ITFG1: variants seen among roughly 807,000 people sequenced by gnomAD.
The protein encoded by ITFG1 is T-cell immunomodulatory protein.
A neutral mutation model predicts 81.8 loss-of-function variants in ITFG1; 34 were observed. The observed-to-expected ratio is 0.42, with a 90% CI of 0.32 to 0.55. ITFG1 has a LOEUF of 0.55. Among genes scored for constraint, ITFG1 ranks in the 20% least tolerant of loss-of-function variants. The pLI, the probability that ITFG1 is intolerant of heterozygous loss-of-function variation, is 0.17. For synonymous variants in ITFG1, 285 were observed against 270.6 expected (o/e 1.05, Z -0.52); for missense variants, 672 against 755.4 (o/e 0.89, Z 1.29).
chr16:47,404,756 A>G (rs1968707054), intron 6 of ITFG1, among the ~76,000 whole-genome samples: 1 of 152,044 alleles, frequency 6.6e-6, no homozygotes, highest in South Asian at 2.1e-4. Context: ...CATCCATGTT[A>G]ATATGTTTAA....
chr16:47,163,042 T>TC lies in ITFG1; in HGVS notation c.1454-379dup, dbSNP rs1268622776. Among the ~76,000 whole-genome samples, 4 of 152,222 alleles carry TC rather than the reference T, an allele frequency of 2.6e-5. No individual in the cohort carries two copies. In the East Asian group the frequency reaches 7.7e-4, roughly 29 times the overall value. ...GCCTTGAACTCCTGGGCTCAAGTGA[T>TC]CCCCCTGCCTCGGGCTCTCAAAATG... On this transcript the variant is annotated intron_variant, in intron 14 of 17. Transcript: ENST00000320640.
At chr16:47,231,030 G>A (rs1261522345) in intron 13 of ITFG1, among the ~76,000 whole-genome samples, 1 of 152,348 alleles carries the variant, frequency 6.6e-6, no homozygotes, top group East Asian at 1.9e-4. Flanking sequence ...TTACAGGCGT[G>A]AGCCACCGCG....
At chr16:47,346,012 C>A (rs1448982952) in intron 8 of ITFG1, among the ~76,000 whole-genome samples, 1 of 152,174 alleles carries the variant, frequency 6.6e-6, no homozygotes, top group Non-Finnish European at 1.5e-5. Context: ...TCACTTAGAA[C>A]AAAACAGACC....
intron 12 of ITFG1, among the ~76,000 whole-genome samples, chr16:47,239,800 A>G (rs772213829): frequency 1.3e-4 from 20 of 152,152 alleles, no homozygotes; most frequent in Non-Finnish European, 2.9e-4. Context: ...TTAGGTAGAT[A>G]TTGGTACTTC....
intron 14 of ITFG1, among the ~76,000 whole-genome samples, chr16:47,193,788 TG>T (rs1474372621): frequency 6.6e-6 from 1 of 152,184 alleles, no homozygotes; most frequent in Non-Finnish European, 1.5e-5. Context: ...TTAAGTTAAA[TG>T]TATTATTATT....
intron 6 of ITFG1, among the ~76,000 whole-genome samples, chr16:47,401,111 T>G (rs1363787111): frequency 1.3e-5 from 2 of 151,972 alleles, no homozygotes; most frequent in Non-Finnish European, 2.9e-5. Context: ...TGCACAGAAG[T>G]TGATGGTTTC....
At chr16:47,365,976 T>C in intron 7 of ITFG1, 107 bp from the exon 8 acceptor site, 1 of 613,534 alleles carries the variant, frequency 1.6e-6, no homozygotes. Flanking sequence ...CTTCAGTATT[T>C]TGTTGTATTG....
intron 11 of ITFG1, among the ~76,000 whole-genome samples, chr16:47,259,240 T>C (rs1417844528): frequency 6.6e-6 from 1 of 152,248 alleles, no homozygotes; most frequent in Non-Finnish European, 1.5e-5. Flanking sequence ...TGTCAGCAAC[T>C]TGGCTTTTTG....
chr16:47,291,107 C>T (rs1966899816), intron 10 of ITFG1, among the ~76,000 whole-genome samples: 1 of 151,960 alleles, frequency 6.6e-6, no homozygotes, highest in Admixed American at 6.6e-5. Context: ...CTAGGAAAGA[C>T]ATTATTTCTC....
chr16:47,229,882 G>A (rs570308893), intron 13 of ITFG1, among the ~76,000 whole-genome samples: 10 of 152,122 alleles, frequency 6.6e-5, no homozygotes, highest in Non-Finnish European at 1.3e-4. Flanking sequence ...ATGTCCTGTG[G>A]TTTCAGTTAC....
At chr16:47,436,202 G>A (rs1212321542) in intron 5 of ITFG1, among the ~76,000 whole-genome samples, 2 of 151,980 alleles carry the variant, frequency 1.3e-5, no homozygotes, top group Non-Finnish European at 2.9e-5. Flanking sequence ...ATTCATCTAT[G>A]AACTATCATA....
At chr16:47,285,427 T>C (rs556516566) in intron 10 of ITFG1, among the ~76,000 whole-genome samples, 2 of 152,344 alleles carry the variant, frequency 1.3e-5, no homozygotes, top group East Asian at 3.9e-4. Context: ...AGTGCTTCTC[T>C]GAGTTCTGTA....
At chr16:47,191,755 A>G (rs1290494368) in intron 14 of ITFG1, among the ~76,000 whole-genome samples, 1 of 152,146 alleles carries the variant, frequency 6.6e-6, no homozygotes, top group Non-Finnish European at 1.5e-5. Flanking sequence ...AGGTGAGGCC[A>G]GAGGTCACTT....
chr16:47,396,632 T>C (rs1968597926), intron 6 of ITFG1, among the ~76,000 whole-genome samples: 1 of 149,656 alleles, frequency 6.7e-6, no homozygotes, highest in African/African-American at 2.6e-5. Context: ...GCCAAGCATA[T>C]TTGCAAGAGA....
intron 6 of ITFG1, among the ~76,000 whole-genome samples, chr16:47,401,822 G>A (rs1309988083): frequency 6.6e-6 from 1 of 151,684 alleles, no homozygotes; most frequent in Non-Finnish European, 1.5e-5. Flanking sequence ...CTGGTCACTA[G>A]CATCCCACTG....
At chr16:47,427,161 G>A (rs1567496589) in intron 6 of ITFG1, among the ~76,000 whole-genome samples, 1 of 152,046 alleles carries the variant, frequency 6.6e-6, no homozygotes, top group Admixed American at 6.6e-5. Flanking sequence ...TGAAATAATG[G>A]GGCTGACAAT....
chr16:47,211,803 A>G (rs1333469312), intron 14 of ITFG1, among the ~76,000 whole-genome samples: 1 of 152,166 alleles, frequency 6.6e-6, no homozygotes, highest in Non-Finnish European at 1.5e-5. Flanking sequence ...AATGTGGTGT[A>G]CTACACTAAT....
chr16:47,212,416 T>C (rs1487065841), intron 14 of ITFG1, among the ~76,000 whole-genome samples: 2 of 152,046 alleles, frequency 1.3e-5, no homozygotes, highest in Non-Finnish European at 2.9e-5. Flanking sequence ...AGGATCTCAC[T>C]ATATTGCCTG....
intron 12 of ITFG1, among the ~76,000 whole-genome samples, chr16:47,255,981 A>T (rs956293553): frequency 1.1e-4 from 16 of 148,150 alleles, no homozygotes; most frequent in African/African-American, 2.7e-4. Context: ...TTATTTTTTT[A>T]TTTTTTTTTT....
Sources: allele counts gnomAD v4.1 joint callset (sites outside exome capture counted in the v4.1 genomes callset), GRCh38; gene constraint gnomAD v4.1.1; transcripts MANE v1.5; gene names NCBI Gene and HGNC (gene_info 2026-07-23, HGNC 2026-07-21).